Variants in C8orf34 observed in about 807,000 individuals in gnomAD.
The protein encoded by C8orf34 is chromosome 8 open reading frame 34, also known as uncharacterized protein C8orf34.
A neutral mutation model predicts 68.3 loss-of-function variants in C8orf34; 65 were observed. That is an observed-to-expected ratio of 0.95 (90% CI 0.78 to 1.17). The LOEUF (loss-of-function observed/expected upper bound fraction) is 1.17. C8orf34 is among the 50% of genes most tolerant of loss of function. C8orf34 has a pLI of 0.00. For synonymous variants in C8orf34, 244 were observed against 241.2 expected (o/e 1.01, Z -0.11); for missense variants, 664 against 655.4 (o/e 1.01, Z -0.14).
At chr8:68,480,445 G>A (rs1309458767) in intron 4 of C8orf34, among the ~76,000 whole-genome samples, 1 of 152,184 alleles carries the variant, frequency 6.6e-6, no homozygotes, top group South Asian at 2.1e-4. Flanking sequence ...TGAGAGTGGG[G>A]TGTTGCCAAA....
chr8:68,508,031 C>T (rs2129633094), intron 5 of C8orf34, among the ~76,000 whole-genome samples: 1 of 152,232 alleles, frequency 6.6e-6, no homozygotes, highest in South Asian at 2.1e-4. Context: ...TCTGGCAAGG[C>T]CGTGAATTTA....
At chr8:68,381,806 A>G (rs898906572) in intron 1 of C8orf34, among the ~76,000 whole-genome samples, 6 of 151,232 alleles carry the variant, frequency 4.0e-5, no homozygotes, top group Non-Finnish European at 8.8e-5. Flanking sequence ...ATGTGTGTGC[A>G]TTCCATTTAT....
rs149812245 is a variant in C8orf34 at position 68,551,247 on chromosome 8, C to T, written c.1105+18098C>T. 4.8e-3 allele frequency among the ~76,000 whole-genome samples: 732 copies of T among 151,760 alleles called. 6 individuals are homozygous for T. Among genetic ancestry groups the T allele is most frequent in the African/African-American group, 0.017 (707 of 41,426 alleles). ...TTTTTTGTTTTGAAAGTTTTATTGA[C>T]ATAATCTGAAGCTCAGAGATTCTTT... On this transcript the variant is annotated intron_variant, in intron 7 of 13. Transcript: ENST00000518698.
At chr8:68,459,271 C>A (rs1001302002) in intron 3 of C8orf34, among the ~76,000 whole-genome samples, 6 of 152,018 alleles carry the variant, frequency 3.9e-5, no homozygotes, top group African/African-American at 1.4e-4. Flanking sequence ...ACTCTGTCAC[C>A]CAGGCTGGAG....
intron 8 of C8orf34, among the ~76,000 whole-genome samples, chr8:68,685,740 G>C (rs1205879852): frequency 6.6e-6 from 1 of 151,864 alleles, no homozygotes; most frequent in Non-Finnish European, 1.5e-5. Flanking sequence ...GCCAGGCGTG[G>C]ACATATGTGC....
intron 7 of C8orf34, among the ~76,000 whole-genome samples, chr8:68,591,554 A>G (rs1817388398): frequency 6.6e-6 from 1 of 152,212 alleles, no homozygotes; most frequent in Non-Finnish European, 1.5e-5. Context: ...AGAAGCAGCT[A>G]AACTACAGGC....
chr8:68,651,041 C>G (rs1394098700), intron 8 of C8orf34, among the ~76,000 whole-genome samples: 9 of 152,062 alleles, frequency 5.9e-5, no homozygotes, highest in African/African-American at 2.2e-4. Context: ...GGAAGCCTTG[C>G]TGAGGACTCC....
chr8:68,468,721 A>G lies in C8orf34; in HGVS notation c.637A>G (p.Asn213Asp), dbSNP rs1812252188. Reference protein sequence around the residue: ...LPRSVEHPKWNWRTKPQSRDF... With the variant: ...LPRSVEHPKWDWRTKPQSRDF... ...AAGGTCAGTAGAGCATCCAAAGTGG[A>G]ACTGGAGGACTAAACCACAAAGCCG... Residue 213 changes from asparagine to aspartate, a missense_variant, in exon 4 of 14, where the codon AAC (asparagine) becomes GAC (aspartate). By Grantham distance (23) the Asn-to-Asp change is conservative (BLOSUM62 1). Coordinates refer to ENST00000518698, the MANE Select transcript of C8orf34 (RefSeq NM_052958.4). The G allele has an allele frequency of 6.2e-7, 1 of 1,612,806 alleles. No homozygotes were observed. Among genetic ancestry groups the G allele is most frequent in the African/African-American group, 1.3e-5 (1 of 74,846 alleles).
Position 68,497,091 on chromosome 8 carries a change from A to G in C8orf34, c.765+9040A>G, listed in dbSNP as rs189396841. Among the ~76,000 whole-genome samples, 48 of 152,288 alleles carry G rather than the reference A, an allele frequency of 3.2e-4. 1 individual carries two copies. In the East Asian group the frequency reaches 7.1e-3, roughly 23 times the overall value. ...TTGTCTCTCAAAAATAAAACTTGGAAAGTGACAACCCAAGAAAAATATTTG... is the reference window on the plus strand; with the variant it reads ...TTGTCTCTCAAAAATAAAACTTGGAGAGTGACAACCCAAGAAAAATATTTG... On this transcript the variant is annotated intron_variant, in intron 5 of 13. Coordinates refer to ENST00000518698, the MANE Select transcript of C8orf34 (RefSeq NM_052958.4).
intron 1 of C8orf34, among the ~76,000 whole-genome samples, chr8:68,376,310 G>A (rs1267064788): frequency 6.6e-6 from 1 of 152,120 alleles, no homozygotes; most frequent in Non-Finnish European, 1.5e-5. Context: ...ACCCACATAG[G>A]CTAGGAAAGC....
intron 7 of C8orf34, among the ~76,000 whole-genome samples, chr8:68,613,805 A>C (rs1818104554): frequency 6.6e-6 from 1 of 152,114 alleles, no homozygotes; most frequent in Non-Finnish European, 1.5e-5. Flanking sequence ...GTATATACCC[A>C]GTAATGGAAT....
intron 10 of C8orf34, among the ~76,000 whole-genome samples, chr8:68,765,034 TG>T (rs1731985927): frequency 6.6e-6 from 1 of 152,246 alleles, no homozygotes; most frequent in Admixed American, 6.5e-5. Context: ...CCCTCATTTT[TG>T]TACCTTTCAC....
At chr8:68,435,515 T>C (rs1810627432) in intron 1 of C8orf34, among the ~76,000 whole-genome samples, 1 of 152,144 alleles carries the variant, frequency 6.6e-6, no homozygotes, top group South Asian at 2.1e-4. Flanking sequence ...AATTCTTCGG[T>C]GTCTTTGTGG....
intron 2 of C8orf34, among the ~76,000 whole-genome samples, chr8:68,444,156 C>G (rs923086079): frequency 6.6e-6 from 1 of 152,090 alleles, no homozygotes; most frequent in Admixed American, 6.6e-5. Context: ...ATTTTCTACA[C>G]TATCAGTTTT....
chr8:68,598,352 C>T (rs1247300276), intron 7 of C8orf34, among the ~76,000 whole-genome samples: 1 of 152,162 alleles, frequency 6.6e-6, no homozygotes, highest in Non-Finnish European at 1.5e-5. Flanking sequence ...TTTGAGACTA[C>T]TTTTGCTTAT....
At chr8:68,716,031 T>C (rs1260931828) in intron 9 of C8orf34, among the ~76,000 whole-genome samples, 1 of 152,144 alleles carries the variant, frequency 6.6e-6, no homozygotes, top group Non-Finnish European at 1.5e-5. Context: ...TGGACAGAAT[T>C]GGAGACTATT....
At chr8:68,576,594 T>C (rs1816913391) in intron 7 of C8orf34, among the ~76,000 whole-genome samples, 1 of 148,720 alleles carries the variant, frequency 6.7e-6, no homozygotes, top group Non-Finnish European at 1.5e-5. Context: ...TGGAATGATA[T>C]ATTAATGGTG....
chr8:68,372,151 T>A (rs1199826658), intron 1 of C8orf34, among the ~76,000 whole-genome samples: 1 of 152,218 alleles, frequency 6.6e-6, no homozygotes, highest in Non-Finnish European at 1.5e-5. Flanking sequence ...CTGAGGTTCT[T>A]GATCCTAAAT....
At chr8:68,546,406 C>G (rs1466894973) in intron 7 of C8orf34, among the ~76,000 whole-genome samples, 1 of 151,504 alleles carries the variant, frequency 6.6e-6, no homozygotes, top group Admixed American at 6.6e-5. Flanking sequence ...AGAGTTATAG[C>G]TTAATGATAA....
Sources: gnomAD v4.1 joint callset for allele counts (sites outside exome capture counted in the v4.1 genomes callset) on GRCh38, gnomAD v4.1.1 for gene constraint, MANE v1.5 for transcripts, NCBI Gene and HGNC (gene_info 2026-07-23, HGNC 2026-07-21) for gene names.